Variants in UGT1A10 observed in about 807,000 individuals in gnomAD.
UGT1A10 encodes the protein UDP glucuronosyltransferase family 1 member A10, also known as UDP-glucuronosyltransferase 1A10.
A neutral mutation model predicts 45.8 loss-of-function variants in UGT1A10; 49 were observed. The ratio of observed to expected loss-of-function variants is 1.07; its 90% CI spans 0.85 to 1.36. UGT1A10 has a LOEUF of 1.36. UGT1A10 is among the 40% of genes most tolerant of loss of function. The probability of loss-of-function intolerance (pLI) is 0.00; values close to 1 mark genes in which losing one functional copy is unlikely to be tolerated. For synonymous variants in UGT1A10, 284 were observed against 249.7 expected (o/e 1.14, Z -1.29); for missense variants, 745 against 668.6 (o/e 1.11, Z -1.26).
intron 1 of UGT1A10, among the ~76,000 whole-genome samples, chr2:233,657,245 C>T (rs908221352): frequency 6.6e-5 from 10 of 152,198 alleles, no homozygotes; most frequent in Non-Finnish European, 1.2e-4. Context: ...CTCAGAAGCA[C>T]CTGGCGGTTT....
chr2:233,769,543 G>A lies in UGT1A10; in HGVS notation c.1295+1104G>A, dbSNP rs750789040. The A allele has an allele frequency of 1.2e-6, 2 of 1,612,968 alleles. No individual in the cohort carries two copies. The highest frequency in any genetic ancestry group is 1.7e-6 in the Non-Finnish European group (2 of 1,179,890). On this transcript the variant is annotated intron_variant, in intron 4 of 4. Transcript: ENST00000344644. The surrounding 1 kb of genome is among the most constrained non-coding windows in gnomAD (Gnocchi z 4.4). The stretch of plus-strand genomic sequence containing the variant: ...TTACCTCCTTTAGAAAGAAGCAGCA[G>A]TCAGGAAGACAGATGTGAAGAGCTG...
intron 1 of UGT1A10, chr2:233,754,648 T>C (rs1008814109): frequency 4.4e-6 from 2 of 451,966 alleles, no homozygotes; most frequent in African/African-American, 2.0e-5. Context: ...CCATTCTCAA[T>C]GATTCTCTTG....
At chr2:233,770,449 T>A (rs1700082466) in intron 4 of UGT1A10, 1 of 151,928 alleles carries the variant, frequency 6.6e-6, no homozygotes, top group Non-Finnish European at 1.5e-5. Flanking sequence ...AGGTTAGGAG[T>A]TCGAAACCAA....
At chr2:233,656,520 T>G (rs1575404981) in intron 1 of UGT1A10, among the ~76,000 whole-genome samples, 1 of 152,228 alleles carries the variant, frequency 6.6e-6, no homozygotes, top group East Asian at 1.9e-4. Context: ...AAAAACTCTG[T>G]GGCAGTTGGA....
intron 1 of UGT1A10, chr2:233,747,431 A>C (rs184446696): frequency 1.0e-4 from 161 of 1,608,566 alleles, no homozygotes; most frequent in Middle Eastern, 1.7e-4. Flanking sequence ...AACAAGAGAA[A>C]TTTTTCACCC....
chr2:233,663,822 G>A (rs768912168), intron 1 of UGT1A10, among the ~76,000 whole-genome samples: 7 of 152,122 alleles, frequency 4.6e-5, no homozygotes, highest in Non-Finnish European at 1.0e-4. Flanking sequence ...CACTGTCTCA[G>A]GCATAATTTT....
At chr2:233,689,967 A>T in intron 1 of UGT1A10, 1 of 456,308 alleles carries the variant, frequency 2.2e-6, no homozygotes, top group Non-Finnish European at 4.4e-6. Flanking sequence ...TGCTTGGAGG[A>T]ACCCACAGGC....
chr2:233,711,047 C>G (rs2076160015), intron 1 of UGT1A10, among the ~76,000 whole-genome samples: 2 of 152,134 alleles, frequency 1.3e-5, no homozygotes, highest in African/African-American at 4.8e-5. Flanking sequence ...TCACTGACAC[C>G]CATGGCTTCA....
chr2:233,693,217 A>T (rs1044652784), intron 1 of UGT1A10: 1 of 1,614,210 alleles, frequency 6.2e-7, no homozygotes, highest in Non-Finnish European at 8.5e-7. Context: ...AAGAATCCAA[A>T]TACTACACAA....
chr2:233,642,058 G>C (rs1248536309), intron 1 of UGT1A10, among the ~76,000 whole-genome samples: 1 of 151,994 alleles, frequency 6.6e-6, no homozygotes, highest in Non-Finnish European at 1.5e-5. Flanking sequence ...CTCTAGGTTT[G>C]GAAAGTTTTC....
intron 1 of UGT1A10, among the ~76,000 whole-genome samples, chr2:233,641,259 C>A (rs1056573058): frequency 2.0e-5 from 3 of 152,174 alleles, no homozygotes; most frequent in African/African-American, 7.2e-5. Context: ...CATGCCACAC[C>A]AGTCTCAGAG....
chr2:233,690,406 A>T (rs1332144617), intron 1 of UGT1A10: 15 of 1,193,304 alleles, frequency 1.3e-5, no homozygotes, highest in South Asian at 1.3e-5. Flanking sequence ...TATTCCCAAC[A>T]TGAAATTACC....
At chr2:233,674,885 A>G (rs1396441907) in intron 1 of UGT1A10, among the ~76,000 whole-genome samples, 1 of 152,226 alleles carries the variant, frequency 6.6e-6, no homozygotes, top group African/African-American at 2.4e-5. Context: ...TGGACACTTC[A>G]TATTGCTCCT....
At chr2:233,647,964 G>T in intron 1 of UGT1A10, 1 of 1,607,490 alleles carries the variant, frequency 6.2e-7, no homozygotes, top group Non-Finnish European at 8.5e-7. Context: ...CCATGTGGTC[G>T]GTGGTGGAGA....
chr2:233,727,313 C>G (rs2077603971), intron 1 of UGT1A10, among the ~76,000 whole-genome samples: 1 of 152,152 alleles, frequency 6.6e-6, no homozygotes, highest in African/African-American at 2.4e-5. Context: ...CCTTCTGTTT[C>G]CCAGGCACCA....
At position 233,655,662 on chromosome 2, in the gene UGT1A10, G is replaced by A. The variant is rs557451319; in HGVS notation, c.855+18285G>A. Among the ~76,000 whole-genome samples, 37 of 152,266 alleles carry A rather than the reference G, an allele frequency of 2.4e-4. No homozygotes were observed. In the South Asian group the frequency reaches 4.4e-3, roughly 18 times the overall value. On this transcript the variant is annotated intron_variant, in intron 1 of 4. Transcript: ENST00000344644. ...TCTCTTGTAGGGGATATGGGGGTGG[G>A]TGATCACTGTCCTGGTCTCCCTGAA... is the stretch of plus-strand genomic sequence containing the variant.
intron 1 of UGT1A10, among the ~76,000 whole-genome samples, chr2:233,660,453 C>T (rs886705872): frequency 6.6e-6 from 1 of 152,094 alleles, no homozygotes; most frequent in African/African-American, 2.4e-5. Flanking sequence ...AAAGACAGTC[C>T]TTTAGTGGCA....
chr2:233,757,555 T>TATATATATATATACATATAC, intron 1 of UGT1A10, among the ~76,000 whole-genome samples: 3 of 125,180 alleles, frequency 2.4e-5, no homozygotes, highest in Non-Finnish European at 3.3e-5. Flanking sequence ...TATATATATA[T>TATATATATATATACATATAC]ATATATGTAT....
chr2:233,678,768 A>G (rs1446898670), intron 1 of UGT1A10, among the ~76,000 whole-genome samples: 1 of 151,606 alleles, frequency 6.6e-6, no homozygotes, highest in Non-Finnish European at 1.5e-5. Flanking sequence ...CAGGTCATCT[A>G]TTGATTCCCT....
Sources: gnomAD v4.1 joint callset for allele counts (sites outside exome capture counted in the v4.1 genomes callset) on GRCh38, gnomAD v4.1.1 for gene constraint, Gnocchi (gnomAD v3.1) non-coding constraint, MANE v1.5 for transcripts, NCBI Gene and HGNC (gene_info 2026-07-23, HGNC 2026-07-21) for gene names.